The following PRKAG2 variants were observed in gnomAD, a reference collection of about 807,000 sequenced individuals.
PRKAG2 encodes protein kinase AMP-activated non-catalytic subunit gamma 2.
A neutral mutation model predicts 69.6 loss-of-function variants in PRKAG2; 26 were observed. The ratio of observed to expected loss-of-function variants is 0.37; its 90% confidence interval spans 0.27 to 0.52. PRKAG2 has a LOEUF of 0.52. PRKAG2 is among the 20% of genes least tolerant of loss of function. PRKAG2 has a pLI of 0.90. For synonymous variants in PRKAG2, 293 were observed against 285.0 expected (o/e 1.03, Z -0.28); for missense variants, 557 against 740.0 (o/e 0.75, Z 2.87).
At chr7:151,674,155 A>G (rs1276299243) in intron 4 of PRKAG2, among the ~76,000 whole-genome samples, 1 of 152,068 alleles carries the variant, frequency 6.6e-6, no homozygotes, top group East Asian at 1.9e-4. Flanking sequence ...GTATTCTTAT[A>G]AGAAGGAAAT....
Position 151,876,467 on chromosome 7 carries a change from AG to A in PRKAG2, c.114+39del, listed in dbSNP as rs533048187. 7.6e-4 allele frequency: 1,191 copies of A among 1,564,974 alleles called. 25 individuals carry two copies. In the South Asian group the frequency reaches 0.011, roughly 14 times the overall value. On this transcript the variant is annotated intron_variant, in intron 1 of 15. Coordinates refer to ENST00000287878, the MANE Select transcript of PRKAG2 (RefSeq NM_016203.4). The stretch of plus-strand genomic sequence containing the variant: ...CTTCGGCGCCGGGGACGGGAGCGAC[AG>A]GAGGGCTGGGGAGCAGGGGACCGAG...
At chr7:151,660,378 T>G (rs1296286552) in intron 4 of PRKAG2, among the ~76,000 whole-genome samples, 1 of 152,224 alleles carries the variant, frequency 6.6e-6, no homozygotes, top group African/African-American at 2.4e-5. Flanking sequence ...TACTGTATAC[T>G]TAGTTTCTTA....
chr7:151,718,754 C>T (rs189355999), intron 3 of PRKAG2, among the ~76,000 whole-genome samples: 2 of 152,158 alleles, frequency 1.3e-5, no homozygotes, highest in East Asian at 3.9e-4. Flanking sequence ...TCTCTGGGCC[C>T]GTAGCTGACT....
At chr7:151,688,043 C>A (rs961126261) in intron 3 of PRKAG2, among the ~76,000 whole-genome samples, 3 of 56,544 alleles carry the variant, frequency 5.3e-5, no homozygotes, top group African/African-American at 1.7e-4. Context: ...GGAAATGAGG[C>A]CCCCCCCCGG....
chr7:151,556,951 C>T lies in PRKAG2; in HGVS notation c.*250G>A. On this transcript the variant is annotated 3_prime_UTR_variant, in exon 16 of 16. Transcript: ENST00000287878. The stretch of plus-strand genomic sequence containing the variant: ...ATAATGAAAACTTCAGGACACAGTG[C>T]ACTTTAATGACATACAGCATTTAAA... 1.8e-6 allele frequency: 1 copy of T among 547,368 alleles called. No homozygotes were observed. Among genetic ancestry groups the T allele is most frequent in the Non-Finnish European group, 3.2e-6 (1 of 310,098 alleles). 33.9% of individuals were successfully genotyped at this position (547,368 alleles called of 1,614,324 possible).
intron 5 of PRKAG2, among the ~76,000 whole-genome samples, chr7:151,616,457 G>A (rs1820169377): frequency 6.6e-6 from 1 of 152,218 alleles, no homozygotes; most frequent in African/African-American, 2.4e-5. Flanking sequence ...CCACTCAGAC[G>A]GACAGAGCAG....
At chr7:151,648,834 T>TA (rs1270860850) in intron 4 of PRKAG2, among the ~76,000 whole-genome samples, 1 of 151,822 alleles carries the variant, frequency 6.6e-6, no homozygotes, top group Non-Finnish European at 1.5e-5. Context: ...CAAGGCAACA[T>TA]AGTGAGACCC....
intron 4 of PRKAG2, among the ~76,000 whole-genome samples, chr7:151,643,857 G>T (rs1226614794): frequency 6.6e-6 from 1 of 152,146 alleles, no homozygotes. Context: ...GATGAGCTAG[G>T]ATGAAATCAT....
At chr7:151,846,443 GAC>G (rs1586712839) in intron 1 of PRKAG2, among the ~76,000 whole-genome samples, 5 of 128,514 alleles carry the variant, frequency 3.9e-5, no homozygotes, top group East Asian at 5.1e-4. Context: ...ACTCCAGCCT[GAC>G]GACAGAAACT....
At chr7:151,792,871 C>T (rs745699652) in intron 1 of PRKAG2, among the ~76,000 whole-genome samples, 29 of 152,182 alleles carry the variant, frequency 1.9e-4, no homozygotes, top group Admixed American at 8.5e-4. Flanking sequence ...GAGGCCAGGG[C>T]CCCTCCCGGC....
At chr7:151,559,798 G>A in intron 15 of PRKAG2, 2 of 985,342 alleles carry the variant, frequency 2.0e-6, no homozygotes, top group East Asian at 1.1e-4. Flanking sequence ...CCTGACAAAG[G>A]CTGGGTTGTT....
At position 151,756,040 on chromosome 7, in the gene PRKAG2, C is replaced by T. The variant is rs569570209; in HGVS notation, c.466+25112G>A. 3.9e-5 allele frequency among the ~76,000 whole-genome samples: 6 copies of T among 152,256 alleles called. No homozygotes were observed. The highest frequency in any genetic ancestry group is 7.2e-5 in the African/African-American group (3 of 41,516). On this transcript the variant is annotated intron_variant, in intron 3 of 15. Coordinates refer to ENST00000287878, the MANE Select transcript of PRKAG2 (RefSeq NM_016203.4). This position sits in a 1 kb window ranked among gnomAD's most constrained non-coding sequence, Gnocchi z 4.9. Reference sequence around the variant, plus strand: ...CACAAATACTTCCACTGCCCTCTCCCGCCTCCTCTCCCATCCCCCATTGGT... The same window carrying T: ...CACAAATACTTCCACTGCCCTCTCCTGCCTCCTCTCCCATCCCCCATTGGT...
chr7:151,667,666 A>C (rs907277768), intron 4 of PRKAG2, among the ~76,000 whole-genome samples: 1 of 152,208 alleles, frequency 6.6e-6, no homozygotes, highest in African/African-American at 2.4e-5. Context: ...CTAGGCCTCA[A>C]GGGACCTTGC....
At position 151,729,106 on chromosome 7, in the gene PRKAG2, G is replaced by A. The variant is rs779838273; in HGVS notation, c.466+52046C>T. Among the ~76,000 whole-genome samples the A allele has an allele frequency of 7.8e-4, 117 of 149,436 alleles. 1 individual carries two copies. Among genetic ancestry groups the A allele is most frequent in the Non-Finnish European group, 3.9e-4 (26 of 67,350 alleles). On this transcript the variant is annotated intron_variant, in intron 3 of 15. Coordinates refer to ENST00000287878, the MANE Select transcript of PRKAG2 (RefSeq NM_016203.4). ...CCAGGCAGCGCTTGGTGACAGTGAC[G>A]TAGGGAGAACAGGCAGATGGGTTAT...
intron 4 of PRKAG2, among the ~76,000 whole-genome samples, chr7:151,648,072 A>ACC (rs1827854894): frequency 6.6e-6 from 1 of 151,926 alleles, no homozygotes; most frequent in Non-Finnish European, 1.5e-5. Context: ...CCAAAAAAGT[A>ACC]CCTTTGGTGT....
At position 151,576,472 on chromosome 7, in the gene PRKAG2, A is replaced by T; in HGVS notation, c.865-20T>A. On this transcript the variant is annotated intron_variant, in intron 6 of 15. Transcript: ENST00000287878. The stretch of plus-strand genomic sequence containing the variant: ...TTTAACCTGAAGAAAAAGAGGAGAA[A>T]CAAAACATACTTTCAAAGTCCAGGA... 6.5e-7 allele frequency: 1 copy of T among 1,546,074 alleles called. No homozygotes were observed. Among genetic ancestry groups the T allele is most frequent in the Non-Finnish European group, 8.9e-7 (1 of 1,119,004 alleles).
intron 6 of PRKAG2, among the ~76,000 whole-genome samples, chr7:151,587,315 TAAAC>T (rs1197987710): frequency 6.6e-6 from 1 of 152,064 alleles, no homozygotes; most frequent in Non-Finnish European, 1.5e-5. Flanking sequence ...GATGACTGAA[TAAAC>T]AAACAGATGG....
chr7:151,844,197 T>A (rs982068816), intron 1 of PRKAG2, among the ~76,000 whole-genome samples: 6 of 152,156 alleles, frequency 3.9e-5, no homozygotes, highest in Non-Finnish European at 7.4e-5. Context: ...TGTGGCAGTG[T>A]CCCTCAGAGA....
At chr7:151,628,227 T>C (rs533464727) in intron 5 of PRKAG2, among the ~76,000 whole-genome samples, 15 of 152,208 alleles carry the variant, frequency 9.9e-5, no homozygotes, top group Admixed American at 3.3e-4. Context: ...AGCAGGTTTA[T>C]TAATCACGGA....
Sources: allele counts gnomAD v4.1 joint callset (sites outside exome capture counted in the v4.1 genomes callset), GRCh38; gene constraint gnomAD v4.1.1; non-coding constraint Gnocchi (gnomAD v3.1); transcripts MANE v1.5; gene names NCBI Gene and HGNC (gene_info 2026-07-23, HGNC 2026-07-21).